The following AKR1B15 variants were observed in gnomAD, a reference collection of about 807,000 sequenced individuals.
The protein encoded by AKR1B15 is aldo-keto reductase family 1 member B15.
In AKR1B15, 49 loss-of-function variants were observed where a neutral mutation model predicts 38.5. That is an observed-to-expected ratio of 1.27 (90% CI 1.01 to 1.62). The LOEUF (loss-of-function observed/expected upper bound fraction) is 1.62, where lower values mean the gene tolerates loss of function less well. AKR1B15 is among the 40% of genes most tolerant of loss of function. The pLI, the probability that AKR1B15 is intolerant of heterozygous loss-of-function variation, is 0.00. For synonymous variants in AKR1B15, 137 were observed against 135.5 expected, an observed-to-expected ratio of 1.01 and a Z score of -0.08; for missense variants, 411 against 381.6, an observed-to-expected ratio of 1.08 and a Z score of -0.64.
intron 3 of AKR1B15, 50 bp from the exon 4 acceptor site, chr7:134,568,108 T>A (rs372323347): frequency 3.4e-5 from 55 of 1,605,648 alleles, no homozygotes; most frequent in East Asian, 9.0e-5. Context: ...CAAGGTCTCA[T>A]CTCTTAAAAA....
intron 2 of AKR1B15, among the ~76,000 whole-genome samples, chr7:134,560,694 A>G (rs750451049): frequency 8.2e-4 from 123 of 150,866 alleles, no homozygotes; most frequent in African/African-American, 1.3e-3. Context: ...AAAACAAACA[A>G]AAGACTCTGA....
Position 134,568,244 on chromosome 7 carries a change from T to A in AKR1B15, c.237T>A (p.Asn79Lys). The change falls in exon 4 of 12, where the codon AAT becomes AAA. Residue 79 changes from asparagine to lysine, a missense_variant. Physicochemically the swap from Asn to Lys is moderately conservative, Grantham distance 94. Around this residue, in one of 3 missense-constraint regions of AKR1B15, gnomAD observed 254 missense variants for 212.4 expected, o/e 1.20. Transcript: ENST00000457545. ...TTGACTGTGCCTATTTCTATGAGAA[T>A]CAACATGAGGTGGGAGAAGCCATCC... The part of the protein sequence containing the change: ...RHIDCAYFYE[N>K]QHEVGEAIQE... 1.9e-6 allele frequency: 3 copies of A among 1,614,100 alleles called. No homozygotes were observed. The highest frequency in any genetic ancestry group is 2.5e-6 in the Non-Finnish European group (3 of 1,179,990).
intron 1 of AKR1B15, among the ~76,000 whole-genome samples, chr7:134,550,335 G>T (rs745871808): frequency 3.3e-5 from 5 of 152,012 alleles, no homozygotes; most frequent in African/African-American, 1.2e-4. Flanking sequence ...TTCCTGTGTT[G>T]CAGCAAGTCC....
At chr7:134,562,851 TTTC>T (rs1329737811) in intron 2 of AKR1B15, among the ~76,000 whole-genome samples, 74 of 107,666 alleles carry the variant, frequency 6.9e-4, no homozygotes, top group African/African-American at 3.6e-3. Flanking sequence ...TCTTTCTTTC[TTTC>T]TTTCTTTCTT....
intron 4 of AKR1B15, 69 bp downstream of exon 4, chr7:134,568,394 A>C: frequency 1.9e-6 from 3 of 1,588,352 alleles, no homozygotes; most frequent in Non-Finnish European, 2.6e-6. Context: ...TCGGGTGGGC[A>C]GCAAGAACTC....
At chr7:134,573,550 T>C (rs1794706182) in intron 6 of AKR1B15, 15 of 985,378 alleles carry the variant, frequency 1.5e-5, no homozygotes, top group Non-Finnish European at 1.8e-5. Context: ...AAGCATTGGA[T>C]GTTTATGTAG....
At chr7:134,552,048 G>C (rs992366657) in intron 1 of AKR1B15, among the ~76,000 whole-genome samples, 12 of 152,100 alleles carry the variant, frequency 7.9e-5, no homozygotes, top group African/African-American at 2.7e-4. Context: ...CTAATAAAAA[G>C]GTTGCTGAGT....
intron 2 of AKR1B15, among the ~76,000 whole-genome samples, chr7:134,563,470 C>T (rs1021375492): frequency 6.6e-6 from 1 of 152,082 alleles, no homozygotes; most frequent in Non-Finnish European, 1.5e-5. Context: ...ATTGCTTGAA[C>T]CTGGGAGACA....
At chr7:134,572,641 A>G (rs1201820899) in intron 6 of AKR1B15, among the ~76,000 whole-genome samples, 3 of 151,904 alleles carry the variant, frequency 2.0e-5, no homozygotes, top group South Asian at 2.1e-4. Context: ...GAAAAAAAAA[A>G]AAAAGAAAAA....
chr7:134,561,063 C>A (rs1365748248), intron 2 of AKR1B15, among the ~76,000 whole-genome samples: 1 of 152,040 alleles, frequency 6.6e-6, no homozygotes. Context: ...TTTTAGGGAC[C>A]TCTCTCTGTT....
chr7:134,554,345 G>A (rs1189273468), intron 1 of AKR1B15, among the ~76,000 whole-genome samples: 1 of 152,138 alleles, frequency 6.6e-6, no homozygotes, highest in Non-Finnish European at 1.5e-5. Context: ...CTCCCCAGAG[G>A]AAGAAAAACA....
chr7:134,568,428 C>A, intron 4 of AKR1B15, 103 bp downstream of exon 4: 1 of 1,480,980 alleles, frequency 6.8e-7, no homozygotes, highest in South Asian at 1.3e-5. Flanking sequence ...TACGTGTACC[C>A]GTTTTCATCT....
chr7:134,550,955 C>T (rs1264127794), intron 1 of AKR1B15, among the ~76,000 whole-genome samples: 1 of 152,148 alleles, frequency 6.6e-6, no homozygotes. Context: ...GATCAGTTTC[C>T]CTACATTGAT....
chr7:134,570,939 C>T (rs563903684), intron 5 of AKR1B15, among the ~76,000 whole-genome samples: 16 of 152,312 alleles, frequency 1.1e-4, no homozygotes, highest in Admixed American at 1.0e-3. Flanking sequence ...GTTGCCCTCC[C>T]AGGAAACCTC....
intron 2 of AKR1B15, among the ~76,000 whole-genome samples, chr7:134,562,220 TAC>T (rs1794415383): frequency 6.6e-6 from 1 of 152,186 alleles, no homozygotes; most frequent in Admixed American, 6.5e-5. Flanking sequence ...CAGTGAGTGT[TAC>T]AGTTCTTAAA....
intron 8 of AKR1B15, 41 bp downstream of exon 8, chr7:134,575,968 A>T (rs1425312745): frequency 1.2e-6 from 2 of 1,601,740 alleles, no homozygotes; most frequent in Admixed American, 3.4e-5. Flanking sequence ...TGATAATCTT[A>T]AAAACATTAT....
Position 134,565,313 on chromosome 7 carries a change from A to G in AKR1B15, c.150+544A>G, listed in dbSNP as rs1335557647. The G allele has an allele frequency of 1.1e-5, 13 of 1,158,026 alleles. No homozygotes were observed. The African/African-American group carries it at 1.7e-4, about 15-fold the overall frequency. 71.7% of individuals were successfully genotyped at this position (1,158,026 alleles called of 1,614,324 possible). On this transcript the variant is annotated intron_variant, in intron 3 of 11. Coordinates refer to ENST00000457545, the MANE Select transcript of AKR1B15 (RefSeq NM_001080538.3). ...GAGAAACTCCAGACACATCTGAAGG[A>G]ACAAACTCCAGACACAACATCTTTA...
intron 2 of AKR1B15, among the ~76,000 whole-genome samples, chr7:134,561,775 C>A (rs1794400694): frequency 1.3e-5 from 2 of 151,872 alleles, no homozygotes; most frequent in African/African-American, 4.9e-5. Flanking sequence ...CAGCATGGCA[C>A]AGGCCTATAT....
intron 10 of AKR1B15, 80 bp downstream of exon 10, chr7:134,577,126 C>A: frequency 4.3e-6 from 6 of 1,381,666 alleles, no homozygotes; most frequent in South Asian, 2.4e-5. Flanking sequence ...CTTCTCACCT[C>A]ATCCCTGCAC....
Sources: allele counts gnomAD v4.1 joint callset (sites outside exome capture counted in the v4.1 genomes callset), GRCh38; gene constraint gnomAD v4.1.1; regional missense constraint gnomAD v4.1.1; transcripts MANE v1.5; gene names NCBI Gene and HGNC (gene_info 2026-07-23, HGNC 2026-07-21).